Variants in APBA1 observed in about 807,000 individuals in gnomAD.
APBA1 encodes amyloid-beta A4 precursor protein-binding family A member 1.
Under a neutral mutation model 86.6 loss-of-function variants are expected in APBA1, and 55 were observed. The observed-to-expected ratio is 0.64, with a 90% CI of 0.51 to 0.80. APBA1 has a LOEUF of 0.80. Ranked by LOEUF, APBA1 falls within the 30% of genes least tolerant of loss-of-function variation. The probability of loss-of-function intolerance (pLI) is 0.00; values close to 1 mark genes in which losing one functional copy is unlikely to be tolerated. For missense variants in APBA1, 1,090 were observed against 1,183.0 expected (o/e 0.92, Z 1.15); for synonymous variants, 511 against 493.9 (o/e 1.03, Z -0.46).
At position 69,500,719 on chromosome 9, in the gene APBA1, G is replaced by A. The variant is rs139201407; in HGVS notation, c.1200+15292C>T. 2.0e-3 allele frequency among the ~76,000 whole-genome samples: 302 copies of A among 152,088 alleles called. 1 individual carries two copies. The highest frequency in any genetic ancestry group is 0.01 in the Middle Eastern group (3 of 294). ...TTTTGACTGAATCTTATTAACACCC[G>A]TGCCAAGACCCAACCTCCAGAGGCT... On this transcript the variant is annotated intron_variant, in intron 2 of 12. Transcript: ENST00000265381.
chr9:69,640,705 G>A (rs978045732), intron 1 of APBA1, among the ~76,000 whole-genome samples: 1 of 151,924 alleles, frequency 6.6e-6, no homozygotes, highest in Non-Finnish European at 1.5e-5. Flanking sequence ...ATCTCAATAC[G>A]TTCAGAAAAA....
At chr9:69,582,928 A>G (rs1821942967) in intron 1 of APBA1, among the ~76,000 whole-genome samples, 1 of 152,190 alleles carries the variant, frequency 6.6e-6, no homozygotes, top group Non-Finnish European at 1.5e-5. Context: ...GAAAAATACA[A>G]CCAGCTTTGT....
chr9:69,658,228 CTTTCTTTCTTTCTTTCTT>C (rs1564104720), intron 1 of APBA1, among the ~76,000 whole-genome samples: 5 of 15,104 alleles, frequency 3.3e-4, no homozygotes, highest in African/African-American at 4.8e-4. Flanking sequence ...TTCTCTCTTT[CTTTCTTTCTTTCTTTCTT>C]TCTTTCTTTC....
Position 69,626,360 on chromosome 9 carries a change from T to C in APBA1, c.-70+45793A>G, listed in dbSNP as rs74866721. Among the ~76,000 whole-genome samples the C allele has an allele frequency of 5.2e-3, 797 of 152,170 alleles. 6 individuals carry two copies. Among genetic ancestry groups the C allele is most frequent in the East Asian group, 0.021 (108 of 5,182 alleles). On this transcript the variant is annotated intron_variant, in intron 1 of 12. Transcript: ENST00000265381. ...TGTTTGTTTGTTTTTGGCTTTTTTT[T>C]CCCCACAAATGTACATTAGGAACTG...
Position 69,600,829 on chromosome 9 carries a change from T to TAAATA in APBA1, c.-70+71319_-70+71323dup, listed in dbSNP as rs1156426676. Among the ~76,000 whole-genome samples, 5 of 147,346 alleles carry TAAATA rather than the reference T, an allele frequency of 3.4e-5. No homozygotes were observed. In the East Asian group the frequency reaches 5.9e-4, roughly 17 times the overall value. On this transcript the variant is annotated intron_variant, in intron 1 of 12. Transcript: ENST00000265381. ...AATAATAAATAAATAAATAAATAAATAAATAAAATAAAATAAAAAATAAAT... is the reference window on the plus strand; with the variant it reads ...AATAATAAATAAATAAATAAATAAATAAATAAAATAAAATAAAATAAAAAATAAAT...
intron 11 of APBA1, among the ~76,000 whole-genome samples, chr9:69,439,240 T>C (rs1834762371): frequency 7.9e-6 from 1 of 127,316 alleles, no homozygotes; most frequent in Non-Finnish European, 1.6e-5. Context: ...CTTTGGTGAA[T>C]CTGACAATTA....
At chr9:69,555,634 T>G in intron 1 of APBA1, among the ~76,000 whole-genome samples, 1 of 152,214 alleles carries the variant, frequency 6.6e-6, no homozygotes, top group East Asian at 1.9e-4. Context: ...AAAAAAAGTT[T>G]TATCAACTTA....
chr9:69,612,024 A>G (rs1052574965), intron 1 of APBA1, among the ~76,000 whole-genome samples: 1 of 152,132 alleles, frequency 6.6e-6, no homozygotes, highest in African/African-American at 2.4e-5. Context: ...AGATGGGATT[A>G]TATTTGTGTC....
At position 69,603,929 on chromosome 9, in the gene APBA1, G is replaced by A. The variant is rs1426688409; in HGVS notation, c.-70+68224C>T. On this transcript the variant is annotated intron_variant, in intron 1 of 12. Coordinates refer to ENST00000265381, the MANE Select transcript of APBA1 (RefSeq NM_001163.4). ...CTGCCCCAGATTCTAGAGTCTAGAG[G>A]AGAGATCAGATACTGCAATATTACA... 5.9e-5 allele frequency among the ~76,000 whole-genome samples: 9 copies of A among 152,182 alleles called. No individual in the cohort carries two copies. The South Asian group carries it at 1.4e-3, about 25-fold the overall frequency.
chr9:69,671,444 C>T (rs555878619), intron 1 of APBA1, among the ~76,000 whole-genome samples: 1 of 152,084 alleles, frequency 6.6e-6, no homozygotes, highest in Non-Finnish European at 1.5e-5. Flanking sequence ...GAAGGGGAAG[C>T]GAGAATCCCT....
At chr9:69,484,470 G>T (rs936834592) in intron 2 of APBA1, among the ~76,000 whole-genome samples, 6 of 152,134 alleles carry the variant, frequency 3.9e-5, no homozygotes, top group South Asian at 2.1e-4. Flanking sequence ...GGGTGCTCTT[G>T]CCTTTGGCAC....
intron 1 of APBA1, among the ~76,000 whole-genome samples, chr9:69,590,978 C>T (rs777298095): frequency 4.6e-5 from 7 of 152,160 alleles, no homozygotes; most frequent in African/African-American, 1.2e-4. Context: ...TGAATAGACC[C>T]GTGAAGAAAA....
intron 5 of APBA1, among the ~76,000 whole-genome samples, chr9:69,466,302 G>C (rs1366538244): frequency 6.6e-6 from 1 of 152,150 alleles, no homozygotes; most frequent in Non-Finnish European, 1.5e-5. Flanking sequence ...GGGTTCAGGC[G>C]CATCATATTT....
At chr9:69,468,491 A>C (rs1835316565) in intron 4 of APBA1, among the ~76,000 whole-genome samples, 1 of 152,230 alleles carries the variant, frequency 6.6e-6, no homozygotes, top group African/African-American at 2.4e-5. Context: ...TTTATAGATC[A>C]GAAAAATAGG....
intron 2 of APBA1, among the ~76,000 whole-genome samples, chr9:69,476,856 A>G (rs1835456018): frequency 6.6e-6 from 1 of 152,228 alleles, no homozygotes. Flanking sequence ...ATGGGACCCC[A>G]GCTCCCTGTG....
chr9:69,503,463 A>T (rs575588655), intron 2 of APBA1, among the ~76,000 whole-genome samples: 1 of 152,032 alleles, frequency 6.6e-6, no homozygotes, highest in African/African-American at 2.4e-5. Flanking sequence ...TATAAGATTT[A>T]CCTCTTTCAT....
intron 1 of APBA1, among the ~76,000 whole-genome samples, chr9:69,641,691 G>GA (rs1195885895): frequency 6.6e-6 from 1 of 152,048 alleles, no homozygotes; most frequent in Non-Finnish European, 1.5e-5. Flanking sequence ...ATTCATATGT[G>GA]AAAAAAATCA....
intron 1 of APBA1, among the ~76,000 whole-genome samples, chr9:69,611,052 G>T (rs955364920): frequency 3.3e-5 from 5 of 150,532 alleles, no homozygotes; most frequent in African/African-American, 4.9e-5. Context: ...GAAGTTTTTT[G>T]TTGTTGTTGT....
chr9:69,659,755 GA>G (rs1185346293), intron 1 of APBA1, among the ~76,000 whole-genome samples: 117 of 152,278 alleles, frequency 7.7e-4, no homozygotes, highest in African/African-American at 2.7e-3. Context: ...TTTAGGACTA[GA>G]CATCATCTAC....
Sources: allele counts gnomAD v4.1 joint callset (sites outside exome capture counted in the v4.1 genomes callset), GRCh38; gene constraint gnomAD v4.1.1; transcripts MANE v1.5; gene names NCBI Gene and HGNC (gene_info 2026-07-23, HGNC 2026-07-21).